The following CACNA2D3 variants were observed in gnomAD, a reference collection of about 807,000 sequenced individuals.
CACNA2D3 encodes the protein calcium voltage-gated channel auxiliary subunit alpha2delta 3.
A neutral mutation model predicts 160.6 loss-of-function variants in CACNA2D3; 60 were observed. The ratio of observed to expected loss-of-function variants is 0.37; its 90% CI spans 0.30 to 0.46. The LOEUF is 0.46. Ranked by LOEUF, CACNA2D3 falls within the 20% of genes least tolerant of loss-of-function variation. The probability of loss-of-function intolerance (pLI) is 1.00; values close to 1 mark genes in which losing one functional copy is unlikely to be tolerated. For missense variants in CACNA2D3, 1,205 were observed against 1,365.0 expected (o/e 0.88, Z 1.85); for synonymous variants, 558 against 492.9 (o/e 1.13, Z -1.75).
chr3:54,476,364 A>G lies in CACNA2D3; in HGVS notation c.382-27128A>G, dbSNP rs1700831576. On this transcript the variant is annotated intron_variant, in intron 4 of 37. Transcript: ENST00000474759. ...GGCCACTGTGAATAATGCTGCAATGATTGTGGGTGTGCAGCTGTCTCTTTG... is the reference window on the plus strand; with the variant it reads ...GGCCACTGTGAATAATGCTGCAATGGTTGTGGGTGTGCAGCTGTCTCTTTG... Among the ~76,000 whole-genome samples, 3 of 151,860 alleles carry G rather than the reference A, an allele frequency of 2.0e-5. No homozygotes were observed. In the South Asian group the frequency reaches 6.2e-4, roughly 32 times the overall value.
intron 35 of CACNA2D3, among the ~76,000 whole-genome samples, chr3:55,023,535 G>A (rs1442926446): frequency 6.6e-6 from 1 of 152,008 alleles, no homozygotes; most frequent in Non-Finnish European, 1.5e-5. Flanking sequence ...AATTTTAGGA[G>A]TATCAATCCT....
chr3:54,151,140 T>C (rs920723134), intron 2 of CACNA2D3, among the ~76,000 whole-genome samples: 7 of 150,800 alleles, frequency 4.6e-5, no homozygotes, highest in Admixed American at 3.3e-4. Flanking sequence ...GATGGACAGA[T>C]AGATGAATGA....
intron 4 of CACNA2D3, among the ~76,000 whole-genome samples, chr3:54,474,916 T>A (rs961672574): frequency 6.6e-6 from 1 of 152,188 alleles, no homozygotes; most frequent in Non-Finnish European, 1.5e-5. Flanking sequence ...CCAGAATGCC[T>A]CTGTAATCCA....
intron 27 of CACNA2D3, among the ~76,000 whole-genome samples, chr3:54,930,433 A>T (rs945649543): frequency 6.6e-6 from 1 of 152,226 alleles, no homozygotes; most frequent in African/African-American, 2.4e-5. Flanking sequence ...ACAGACAGAG[A>T]ATTTAAATAC....
At chr3:54,447,487 CA>C (rs1472891710) in intron 4 of CACNA2D3, among the ~76,000 whole-genome samples, 2 of 152,194 alleles carry the variant, frequency 1.3e-5, no homozygotes, top group Non-Finnish European at 2.9e-5. Context: ...GTTGTATACA[CA>C]GGGCTTGGAG....
intron 4 of CACNA2D3, among the ~76,000 whole-genome samples, chr3:54,454,943 T>C (rs570252041): frequency 1.3e-5 from 2 of 152,312 alleles, no homozygotes; most frequent in Non-Finnish European, 2.9e-5. Flanking sequence ...TATTTAAGGC[T>C]GACTTGTATA....
chr3:54,359,827 C>T (rs1698711926), intron 3 of CACNA2D3, among the ~76,000 whole-genome samples: 2 of 152,140 alleles, frequency 1.3e-5, no homozygotes, highest in Non-Finnish European at 2.9e-5. Flanking sequence ...ATTTTCTGGA[C>T]TAGTGAATTT....
chr3:54,760,541 G>A (rs548567079), intron 12 of CACNA2D3, among the ~76,000 whole-genome samples: 6 of 152,282 alleles, frequency 3.9e-5, no homozygotes, highest in African/African-American at 1.4e-4. Context: ...GGAAGATGAT[G>A]ATTTGCTGTG....
intron 4 of CACNA2D3, among the ~76,000 whole-genome samples, chr3:54,450,029 A>C (rs1259128321): frequency 2.0e-5 from 3 of 152,216 alleles, no homozygotes; most frequent in African/African-American, 7.2e-5. Flanking sequence ...ATATTTAAGC[A>C]ATGTAATACT....
At position 54,357,181 on chromosome 3, in the gene CACNA2D3, C is replaced by G. The variant is rs76023044; in HGVS notation, c.322-29534C>G. On this transcript the variant is annotated intron_variant, in intron 3 of 37. Transcript: ENST00000474759. ...GTTCGCCACTCTGTTTTCCATGGCACCATGTTGCCCAAAGCATGGGAGGGA... is the reference window on the plus strand; with the variant it reads ...GTTCGCCACTCTGTTTTCCATGGCAGCATGTTGCCCAAAGCATGGGAGGGA... Among the ~76,000 whole-genome samples the G allele has an allele frequency of 2.0e-5, 3 of 152,128 alleles. No homozygotes were observed. The East Asian group carries it at 5.8e-4, about 29-fold the overall frequency.
At chr3:54,517,639 T>G (rs1020237751) in intron 5 of CACNA2D3, among the ~76,000 whole-genome samples, 1 of 152,180 alleles carries the variant, frequency 6.6e-6, no homozygotes, top group Non-Finnish European at 1.5e-5. Flanking sequence ...GACAGTGACG[T>G]CAGCAGTAGG....
intron 27 of CACNA2D3, among the ~76,000 whole-genome samples, chr3:54,965,428 T>C (rs1477149322): frequency 2.6e-5 from 4 of 152,214 alleles, no homozygotes; most frequent in Non-Finnish European, 5.9e-5. Flanking sequence ...GGCTTCTTAC[T>C]GTTCTGTGAG....
chr3:54,901,572 T>G (rs562164196), intron 27 of CACNA2D3, among the ~76,000 whole-genome samples: 29 of 152,302 alleles, frequency 1.9e-4, no homozygotes, highest in Admixed American at 1.0e-3. Context: ...AGACACAGTT[T>G]GGTCCACCCT....
chr3:54,626,374 T>C lies in CACNA2D3; in HGVS notation c.964-1413T>C, dbSNP rs1156231408. 1.9e-5 allele frequency: 30 copies of C among 1,564,084 alleles called. No individual in the cohort carries two copies. In the East Asian group the frequency reaches 6.7e-4, roughly 35 times the overall value. On this transcript the variant is annotated intron_variant, in intron 9 of 37. Transcript: ENST00000474759. ...CCGGGGCCTGCGGCGGAAGCAGCAC[T>C]CCCTGCTGAAGTGCCTGCGCAAGGC...
At chr3:54,802,114 T>TTCC (rs1424693652) in intron 13 of CACNA2D3, among the ~76,000 whole-genome samples, 1 of 152,170 alleles carries the variant, frequency 6.6e-6, no homozygotes, top group Non-Finnish European at 1.5e-5. Context: ...TTCCTACTCT[T>TTCC]TCCTCCTCCT....
chr3:54,252,306 A>G (rs1025064209), intron 2 of CACNA2D3, among the ~76,000 whole-genome samples: 7 of 152,114 alleles, frequency 4.6e-5, no homozygotes, highest in African/African-American at 1.4e-4. Context: ...TAGTCATACT[A>G]TGGATATACA....
chr3:54,859,837 A>G (rs1159073603), intron 17 of CACNA2D3, among the ~76,000 whole-genome samples: 3 of 152,142 alleles, frequency 2.0e-5, no homozygotes, highest in Non-Finnish European at 2.9e-5. Context: ...TACTGCAGCC[A>G]TGACAGTTTC....
intron 2 of CACNA2D3, among the ~76,000 whole-genome samples, chr3:54,304,624 T>C (rs6414573): frequency 0.85 from 128,760 of 152,154 alleles, 54,570 homozygotes; most frequent in African/African-American, 0.88. Context: ...ATTGTTTTCC[T>C]TACAGTGAGT....
At chr3:54,931,015 G>C (rs577734174) in intron 27 of CACNA2D3, among the ~76,000 whole-genome samples, 1 of 152,318 alleles carries the variant, frequency 6.6e-6, no homozygotes, top group South Asian at 2.1e-4. Flanking sequence ...AGAATCGCTT[G>C]AACCCAGGAG....
Sources: gnomAD v4.1 joint callset for allele counts (sites outside exome capture counted in the v4.1 genomes callset) on GRCh38, gnomAD v4.1.1 for gene constraint, MANE v1.5 for transcripts, NCBI Gene and HGNC (gene_info 2026-07-23, HGNC 2026-07-21) for gene names.